Variants in NIM1K observed in about 807,000 individuals in gnomAD.
NIM1K encodes serine/threonine-protein kinase NIM1.
Under a neutral mutation model 37.1 loss-of-function variants are expected in NIM1K, and 35 were observed. That is an observed-to-expected ratio of 0.94 (90% CI 0.72 to 1.25). The LOEUF is 1.25. NIM1K is among the 50% of genes most tolerant of loss of function. The probability of loss-of-function intolerance (pLI) is 0.00; values close to 1 mark genes in which losing one functional copy is unlikely to be tolerated. For synonymous variants in NIM1K, 234 were observed against 206.6 expected, an observed-to-expected ratio of 1.13 and a Z score of -1.14; for missense variants, 564 against 548.0, an observed-to-expected ratio of 1.03 and a Z score of -0.29.
At chr5:43,198,754 T>G (rs1405552089) in intron 1 of NIM1K, among the ~76,000 whole-genome samples, 1 of 152,200 alleles carries the variant, frequency 6.6e-6, no homozygotes, top group African/African-American at 2.4e-5. Flanking sequence ...CAGACAGTCT[T>G]GGGCTTGAAA....
chr5:43,196,410 T>C (rs1353722158), intron 1 of NIM1K, among the ~76,000 whole-genome samples: 1 of 151,458 alleles, frequency 6.6e-6, no homozygotes. Flanking sequence ...GGGTGGATCA[T>C]GAGGTCAGGA....
chr5:43,231,681 A>T, intron 1 of NIM1K: 1 of 477,360 alleles, frequency 2.1e-6, no homozygotes, highest in South Asian at 1.9e-5. Context: ...CATGTTTTAA[A>T]GCATAGGTCA....
chr5:43,239,031 A>G (rs1052258020), intron 1 of NIM1K, among the ~76,000 whole-genome samples: 1 of 151,594 alleles, frequency 6.6e-6, no homozygotes, highest in Admixed American at 6.6e-5. Flanking sequence ...TTATTCCTCT[A>G]ACCTTTGAGG....
chr5:43,274,948 T>C lies in NIM1K; in HGVS notation c.293-2109T>C, dbSNP rs574779422. 1.2e-4 allele frequency among the ~76,000 whole-genome samples: 19 copies of C among 152,336 alleles called. No homozygotes were observed. The South Asian group carries it at 2.9e-3, about 23-fold the overall frequency. ...TGCTTGCCAGGTAACCTCTTTGTTA[T>C]CTAATTCAAAGTCTGGTACAGTTTG... On this transcript the variant is annotated intron_variant, in intron 2 of 3. Coordinates refer to ENST00000326035, the MANE Select transcript of NIM1K (RefSeq NM_153361.4).
At chr5:43,230,762 C>A (rs1026037247) in intron 1 of NIM1K, among the ~76,000 whole-genome samples, 1 of 152,182 alleles carries the variant, frequency 6.6e-6, no homozygotes, top group African/African-American at 2.4e-5. Context: ...GATAACAACC[C>A]CCATCACCGT....
chr5:43,268,001 T>G (rs1445443444), intron 2 of NIM1K, among the ~76,000 whole-genome samples: 5 of 152,238 alleles, frequency 3.3e-5, no homozygotes, highest in Admixed American at 3.3e-4. Context: ...ATTGTTTCTT[T>G]GTTGACTTTC....
Position 43,277,167 on chromosome 5 carries a change from C to A in NIM1K, c.403C>A (p.Arg135Ser). 1 of 1,614,084 alleles carries A rather than the reference C, an allele frequency of 6.2e-7. No homozygotes were observed. The highest frequency in any genetic ancestry group is 1.1e-5 in the South Asian group (1 of 91,068). ...MEKLHHPNII[R>S]LYEVVETLSK... is the part of the protein sequence containing the mutation. ...AAAGCTGCACCATCCCAACATCATC[C>A]GCCTTTACGAAGTGGTGGAGACCCT... Residue 135 changes from arginine (R) to serine (S), a missense_variant, in exon 3 of 4, where the codon CGC (arginine) becomes AGC (serine). Physicochemically the swap from Arg to Ser is moderately radical, Grantham distance 110. Transcript: ENST00000326035.
At position 43,280,403 on chromosome 5, in the gene NIM1K, C is replaced by A. The variant is rs987991312; in HGVS notation, c.985C>A (p.Pro329Thr). 6.2e-7 allele frequency: 1 copy of A among 1,614,080 alleles called. No individual in the cohort carries two copies. The highest frequency in any genetic ancestry group is 8.5e-7 in the Non-Finnish European group (1 of 1,180,006). ...GAATGATGAATGGATGCAAGGGGTGCCATACCCTACACCTTTGGAACCTTT... is the reference window on the plus strand; with the variant it reads ...GAATGATGAATGGATGCAAGGGGTGACATACCCTACACCTTTGGAACCTTT... ...IMNDEWMQGVPYPTPLEPFQL... is the reference protein window; with the variant it reads ...IMNDEWMQGVTYPTPLEPFQL... The change falls in exon 4 of 4, where the codon CCA becomes ACA. Residue 329 changes from proline to threonine, a missense_variant. Physicochemically the swap from Pro to Thr is conservative, Grantham distance 38. Transcript: ENST00000326035.
intron 2 of NIM1K, among the ~76,000 whole-genome samples, chr5:43,260,593 G>T (rs11740960): frequency 0.95 from 144,407 of 151,596 alleles, 68,855 homozygotes; most frequent in Middle Eastern, 0.98. Context: ...TATATATATA[G>T]AGAGAGAGAG....
At chr5:43,260,736 A>G (rs1178468843) in intron 2 of NIM1K, among the ~76,000 whole-genome samples, 1 of 152,012 alleles carries the variant, frequency 6.6e-6, no homozygotes, top group East Asian at 1.9e-4. Context: ...CATTAGGTAT[A>G]TCTCCTAATG....
chr5:43,199,377 T>G (rs1352914998), intron 1 of NIM1K, among the ~76,000 whole-genome samples: 5 of 151,902 alleles, frequency 3.3e-5, no homozygotes, highest in African/African-American at 1.2e-4. Context: ...AGAATCTTCC[T>G]GCTTAGCTAG....
intron 2 of NIM1K, among the ~76,000 whole-genome samples, chr5:43,257,110 G>A (rs1210032340): frequency 6.6e-6 from 1 of 151,978 alleles, no homozygotes; most frequent in Non-Finnish European, 1.5e-5. Context: ...TGAAAAGGAG[G>A]CTAGGGAGAT....
At position 43,199,752 on chromosome 5, in the gene NIM1K, A is replaced by G. The variant is rs533586450; in HGVS notation, c.-695+7341A>G. Among the ~76,000 whole-genome samples the G allele has an allele frequency of 3.3e-5, 5 of 152,224 alleles. No individual in the cohort carries two copies. In the South Asian group the frequency reaches 1.0e-3, roughly 32 times the overall value. On this transcript the variant is annotated intron_variant, in intron 1 of 3. Coordinates refer to ENST00000326035, the MANE Select transcript of NIM1K (RefSeq NM_153361.4). Reference sequence around the variant, plus strand: ...ACAGAAGGCAAAGAAAGGAGAAGAGAGTTAGTAGTGACGTTGAGTGAGCCA... The same window carrying G: ...ACAGAAGGCAAAGAAAGGAGAAGAGGGTTAGTAGTGACGTTGAGTGAGCCA...
chr5:43,206,918 G>A (rs1752121449), intron 1 of NIM1K: 5 of 769,744 alleles, frequency 6.5e-6, no homozygotes, highest in East Asian at 4.9e-5. Context: ...TGTGTTGCTG[G>A]ATCTTCAGAG....
chr5:43,212,478 C>A (rs754899755), intron 1 of NIM1K, among the ~76,000 whole-genome samples: 19 of 151,712 alleles, frequency 1.3e-4, no homozygotes, highest in Admixed American at 6.6e-4. Flanking sequence ...GGACCAGAGT[C>A]AGCCTGTAAC....
At chr5:43,204,927 T>C (rs1161914231) in intron 1 of NIM1K, among the ~76,000 whole-genome samples, 5 of 151,868 alleles carry the variant, frequency 3.3e-5, no homozygotes, top group African/African-American at 1.2e-4. Context: ...GCCCGGGAGG[T>C]CGAGGCTGCA....
intron 1 of NIM1K, among the ~76,000 whole-genome samples, chr5:43,224,757 C>A (rs984293094): frequency 6.8e-6 from 1 of 146,850 alleles, no homozygotes; most frequent in Admixed American, 6.9e-5. Flanking sequence ...GGGGCAGTGG[C>A]GCGATCTCGG....
At chr5:43,238,204 G>A (rs533309715) in intron 1 of NIM1K, among the ~76,000 whole-genome samples, 5 of 151,830 alleles carry the variant, frequency 3.3e-5, no homozygotes, top group African/African-American at 7.2e-5. Flanking sequence ...CACCACGCCC[G>A]GCTAATTTTT....
intron 1 of NIM1K, among the ~76,000 whole-genome samples, chr5:43,216,190 G>A (rs78830331): frequency 6.6e-6 from 1 of 152,014 alleles, no homozygotes; most frequent in African/African-American, 2.4e-5. Context: ...ACTAAATAAG[G>A]CTTTTTCTGA....
Sources: allele counts gnomAD v4.1 joint callset (sites outside exome capture counted in the v4.1 genomes callset), GRCh38; gene constraint gnomAD v4.1.1; transcripts MANE v1.5; gene names NCBI Gene and HGNC (gene_info 2026-07-23, HGNC 2026-07-21).